Variants in SHC2 observed in about 807,000 individuals in gnomAD.
The protein encoded by SHC2 is SHC adaptor protein 2, also known as SHC-transforming protein 2.
In SHC2, 62 loss-of-function variants were observed where a neutral mutation model predicts 60.6. The ratio of observed to expected loss-of-function variants is 1.02; its 90% confidence interval spans 0.83 to 1.26. SHC2 has a LOEUF of 1.26. Ranked by LOEUF, SHC2 falls within the 50% of genes most tolerant of loss-of-function variation. The pLI, the probability that SHC2 is intolerant of heterozygous loss-of-function variation, is 0.00. For missense variants in SHC2, 873 were observed against 822.2 expected, an observed-to-expected ratio of 1.06 and a Z score of -0.76; for synonymous variants, 375 against 372.4, an observed-to-expected ratio of 1.01 and a Z score of -0.08.
chr19:451,811 G>A (rs990798134), intron 1 of SHC2, among the ~76,000 whole-genome samples: 2 of 152,134 alleles, frequency 1.3e-5, no homozygotes, highest in Non-Finnish European at 2.9e-5. Flanking sequence ...TTGACAGGCT[G>A]GTGTCGAACT....
intron 1 of SHC2, among the ~76,000 whole-genome samples, chr19:443,363 T>G (rs1974959084): frequency 6.8e-6 from 1 of 147,712 alleles, no homozygotes; most frequent in Non-Finnish European, 1.5e-5. Context: ...GATGGGTGGA[T>G]GGACGGATGG....
At chr19:431,801 A>T (rs1974605087) in intron 8 of SHC2, among the ~76,000 whole-genome samples, 1 of 15,720 alleles carries the variant, frequency 6.4e-5, no homozygotes, top group Non-Finnish European at 1.1e-4. Flanking sequence ...CGTGAGTGAG[A>T]TCGTGAGTGA....
At chr19:455,511 G>A (rs745644083) in intron 1 of SHC2, among the ~76,000 whole-genome samples, 36 of 152,244 alleles carry the variant, frequency 2.4e-4, no homozygotes, top group Non-Finnish European at 4.6e-4. Context: ...CGGGGCCCAC[G>A]CCGCTGATTA....
At position 438,864 on chromosome 19, in the gene SHC2, G is replaced by A. The variant is rs769147870; in HGVS notation, c.601-27C>T. On this transcript the variant is annotated intron_variant, in intron 3 of 12. Coordinates refer to ENST00000264554, the MANE Select transcript of SHC2 (RefSeq NM_012435.3). This position sits in a 1 kb window ranked among gnomAD's most constrained non-coding sequence, Gnocchi z 5.0. ...TGAGTTGGGGGCGGAGCACAGCGAG[G>A]GCGGCTGTGGGTGGGGGCTGTCGAG... The A allele has an allele frequency of 1.3e-6, 2 of 1,557,264 alleles. No homozygotes were observed. The highest frequency in any genetic ancestry group is 1.9e-5 in the Admixed American group (1 of 51,694).
In SHC2 at chr19:445,397, C is replaced by T. The variant is rs1458997273; in HGVS notation, c.469-4465G>A. 6.6e-6 allele frequency among the ~76,000 whole-genome samples: 1 copy of T among 152,150 alleles called. No homozygotes were observed. The highest frequency in any genetic ancestry group is 1.5e-5 in the Non-Finnish European group (1 of 68,036). The stretch of plus-strand genomic sequence containing the variant: ...GGCCCTCGCCAGACACTGAATCTTC[C>T]GGCGCCTCGATCGTGGCCCTCCCAG... On this transcript the variant is annotated intron_variant, in intron 1 of 12. Coordinates refer to ENST00000264554, the MANE Select transcript of SHC2 (RefSeq NM_012435.3). This position sits in a 1 kb window ranked among gnomAD's most constrained non-coding sequence, Gnocchi z 4.4.
intron 11 of SHC2, 170 bp from the exon 12 acceptor site, chr19:419,226 G>A: frequency 1.3e-6 from 1 of 765,176 alleles, no homozygotes; most frequent in Non-Finnish European, 2.0e-6. Context: ...CAGAATTCCA[G>A]AACCACCCAT....
chr19:458,675 G>C (rs1156524439), intron 1 of SHC2, among the ~76,000 whole-genome samples: 7 of 146,426 alleles, frequency 4.8e-5, no homozygotes, highest in African/African-American at 1.8e-4. Context: ...TGGGTTCCGG[G>C]GGAGGGGGAA....
Position 438,641 on chromosome 19 carries a change from C to T in SHC2, c.720+77G>A, listed in dbSNP as rs556782587. 4.2e-5 allele frequency: 63 copies of T among 1,483,454 alleles called. No homozygotes were observed. In the East Asian group the frequency reaches 1.5e-3, roughly 36 times the overall value. 91.9% of individuals were successfully genotyped at this position (1,483,454 alleles called of 1,614,324 possible). A position where few individuals can be genotyped will look rare whatever the true frequency, so the allele number is the denominator to read the frequency against. Reference sequence around the variant, plus strand: ...CGCCACCTGCTGCCCGCCCCCAGCACCCCACCTGGCTTTGCCTCCTAGGAC... The same window carrying T: ...CGCCACCTGCTGCCCGCCCCCAGCATCCCACCTGGCTTTGCCTCCTAGGAC... On this transcript the variant is annotated intron_variant, in intron 4 of 12. Coordinates refer to ENST00000264554, the MANE Select transcript of SHC2 (RefSeq NM_012435.3). This position sits in a 1 kb window ranked among gnomAD's most constrained non-coding sequence, Gnocchi z 5.0.
At chr19:443,433 G>C (rs1450563170) in intron 1 of SHC2, among the ~76,000 whole-genome samples, 2 of 148,124 alleles carry the variant, frequency 1.4e-5, no homozygotes, top group African/African-American at 5.0e-5. Flanking sequence ...TGGGTGGATG[G>C]ATGGACAGAT....
chr19:450,968 C>T (rs1211362860), intron 1 of SHC2, among the ~76,000 whole-genome samples: 1 of 148,722 alleles, frequency 6.7e-6, no homozygotes, highest in Non-Finnish European at 1.5e-5. Flanking sequence ...ATAGCCACGT[C>T]ATATTTCAGT....
intron 9 of SHC2, among the ~76,000 whole-genome samples, chr19:427,469 C>T (rs944162485): frequency 6.6e-6 from 1 of 151,014 alleles, no homozygotes; most frequent in Non-Finnish European, 1.5e-5. Context: ...GAATTGCACA[C>T]GGCACAGGGA....
intron 11 of SHC2, among the ~76,000 whole-genome samples, chr19:421,604 G>A (rs1307603402): frequency 1.3e-5 from 2 of 152,070 alleles, no homozygotes; most frequent in Non-Finnish European, 2.9e-5. Flanking sequence ...CATTTGTAAG[G>A]TGCATAAGTC....
At position 422,792 on chromosome 19, in the gene SHC2, G is replaced by A. The variant is rs561431158; in HGVS notation, c.1310-336C>T. The A allele has an allele frequency of 1.0e-4, 24 of 236,478 alleles. No homozygotes were observed. Among genetic ancestry groups the A allele is most frequent in the African/African-American group, 2.3e-4 (10 of 44,422 alleles). The allele number at this position is 236,478 out of a possible 1,614,324, so 14.6% of individuals were successfully genotyped here. ...TTCCTTCCCAAAGCGTACGCCTCTC[G>A]TTTCCTTGTCTGGTCTTACTGCATT... is the stretch of plus-strand genomic sequence containing the variant. On this transcript the variant is annotated intron_variant, in intron 10 of 12. Transcript: ENST00000264554. The surrounding 1 kb of genome is among the most constrained non-coding windows in gnomAD (Gnocchi z 5.0).
In SHC2 at chr19:446,075, C is replaced by G. The variant is rs1455126856; in HGVS notation, c.469-5143G>C. Among the ~76,000 whole-genome samples, 1 of 150,856 alleles carries G rather than the reference C, an allele frequency of 6.6e-6. No individual in the cohort carries two copies. Among genetic ancestry groups the G allele is most frequent in the Non-Finnish European group, 1.5e-5 (1 of 67,672 alleles). ...GTCTCAAAATAAAAAAAAAAAAAGA[C>G]AAGCACAGAGGGAGATTTGAGAGAC... On this transcript the variant is annotated intron_variant, in intron 1 of 12. Transcript: ENST00000264554. The surrounding 1 kb of genome is among the most constrained non-coding windows in gnomAD (Gnocchi z 5.4).
intron 1 of SHC2, among the ~76,000 whole-genome samples, chr19:448,039 C>T (rs984112297): frequency 2.0e-5 from 3 of 152,186 alleles, no homozygotes; most frequent in South Asian, 2.1e-4. Flanking sequence ...CTGGGGAGGC[C>T]GCAGGCAGCG....
intron 1 of SHC2, among the ~76,000 whole-genome samples, chr19:447,708 G>A (rs1170948019): frequency 6.6e-6 from 1 of 152,108 alleles, no homozygotes; most frequent in African/African-American, 2.4e-5. Context: ...AACCTGGGAA[G>A]CGGAGGTTGC....
rs769466348 is a variant in SHC2, at chr19:438,954, C to T, written c.600+16G>A. On this transcript the variant is annotated intron_variant, in intron 3 of 12. Transcript: ENST00000264554. The surrounding 1 kb of genome is among the most constrained non-coding windows in gnomAD (Gnocchi z 5.0). ...CTGCCCCACCAGCCCCACGAGAGAC[C>T]ACAAGCCTCACTCACCTTTTTCTTC... 2 of 1,595,182 alleles carry T rather than the reference C, an allele frequency of 1.3e-6. No individual in the cohort carries two copies. Among genetic ancestry groups the T allele is most frequent in the South Asian group, 1.1e-5 (1 of 88,258 alleles).
At chr19:439,890 G>T (rs989401952) in intron 2 of SHC2, among the ~76,000 whole-genome samples, 1 of 152,006 alleles carries the variant, frequency 6.6e-6, no homozygotes, top group Non-Finnish European at 1.5e-5. Context: ...GCTGGGTGTG[G>T]TGGTGGGCGC....
In SHC2 at chr19:425,535, G is replaced by A. The variant is rs1227376835; in HGVS notation, c.1175-304C>T. ...GGCAGCCGCTGCTCCACCCCACCCCGCCCTGGCCCTCCCCGGCCCAGGGTC... is the reference window on the plus strand; with the variant it reads ...GGCAGCCGCTGCTCCACCCCACCCCACCCTGGCCCTCCCCGGCCCAGGGTC... On this transcript the variant is annotated intron_variant, in intron 9 of 12. Coordinates refer to ENST00000264554, the MANE Select transcript of SHC2 (RefSeq NM_012435.3). The surrounding 1 kb of genome is among the most constrained non-coding windows in gnomAD (Gnocchi z 4.1). Among the ~76,000 whole-genome samples, 15 of 152,282 alleles carry A rather than the reference G, an allele frequency of 9.9e-5. No individual in the cohort carries two copies. The highest frequency in any genetic ancestry group is 3.4e-4 in the African/African-American group (14 of 41,564).
Sources: allele counts gnomAD v4.1 joint callset (sites outside exome capture counted in the v4.1 genomes callset), GRCh38; gene constraint gnomAD v4.1.1; non-coding constraint Gnocchi (gnomAD v3.1); transcripts MANE v1.5; gene names NCBI Gene and HGNC (gene_info 2026-07-23, HGNC 2026-07-21).